Variants in CSNK2A2 observed in about 807,000 individuals in gnomAD.
CSNK2A2 encodes casein kinase 2 alpha 2.
A neutral mutation model predicts 54.0 loss-of-function variants in CSNK2A2; 8 were observed. That is an observed-to-expected ratio of 0.15 (90% CI 0.09 to 0.27). CSNK2A2 has a LOEUF of 0.27. Among genes scored for constraint, CSNK2A2 ranks in the 10% least tolerant of loss-of-function variants. The pLI, the probability that CSNK2A2 is intolerant of heterozygous loss-of-function variation, is 1.00. For synonymous variants in CSNK2A2, 141 were observed against 153.9 expected (o/e 0.92, Z 0.62); for missense variants, 242 against 439.4 (o/e 0.55, Z 4.02).
At chr16:58,191,880 C>T (rs1408028259) in intron 2 of CSNK2A2, among the ~76,000 whole-genome samples, 7 of 152,124 alleles carry the variant, frequency 4.6e-5, no homozygotes, top group Non-Finnish European at 7.4e-5. Context: ...TAGATGAGCA[C>T]TATTAACAGT....
intron 5 of CSNK2A2, 172 bp downstream of exon 5, chr16:58,174,279 G>C (rs1961818159): frequency 3.8e-6 from 2 of 525,982 alleles, no homozygotes; most frequent in Non-Finnish European, 6.6e-6. Flanking sequence ...AGTTCCACTG[G>C]AAAGTTTCTA....
chr16:58,188,221 GC>G (rs1280339139), intron 2 of CSNK2A2, among the ~76,000 whole-genome samples: 3 of 152,226 alleles, frequency 2.0e-5, no homozygotes, highest in African/African-American at 7.2e-5. Flanking sequence ...GGCTCTCGCT[GC>G]GTCCTTGTGA....
rs1206850644 is a variant in CSNK2A2 at position 58,197,753 on chromosome 16, G to C, written c.-17C>G. The C allele has an allele frequency of 1.9e-6, 2 of 1,075,406 alleles. No individual in the cohort carries two copies. The highest frequency in any genetic ancestry group is 2.5e-5 in the South Asian group (1 of 40,644). 66.6% of individuals were successfully genotyped at this position (1,075,406 alleles called of 1,614,324 possible). A position where few individuals can be genotyped will look rare whatever the true frequency, so the allele number is the denominator to read the frequency against. On this transcript the variant is annotated 5_prime_UTR_variant, in exon 1 of 12. Coordinates refer to ENST00000262506, the MANE Select transcript of CSNK2A2 (RefSeq NM_001896.4). The surrounding 1 kb of genome is among the most constrained non-coding windows in gnomAD (Gnocchi z 4.0). ...GCCGGGCATGGCGGGCGGGACCGGG[G>C]GGCGGCGCGGGGCGCAGAGGGTGGC...
intron 9 of CSNK2A2, among the ~76,000 whole-genome samples, chr16:58,166,326 G>A (rs2142410914): frequency 6.6e-6 from 1 of 152,264 alleles, no homozygotes; most frequent in African/African-American, 2.4e-5. Flanking sequence ...AGCTTTTGCT[G>A]TACCAGAAAA....
At chr16:58,172,395 T>C (rs1463573107) in intron 5 of CSNK2A2, among the ~76,000 whole-genome samples, 1 of 152,232 alleles carries the variant, frequency 6.6e-6, no homozygotes, top group African/African-American at 2.4e-5. Flanking sequence ...TCCTTGAATC[T>C]GAATCAGGAG....
chr16:58,182,949 C>A (rs779872711), intron 4 of CSNK2A2, among the ~76,000 whole-genome samples: 21 of 152,222 alleles, frequency 1.4e-4, no homozygotes, highest in Non-Finnish European at 2.5e-4. Flanking sequence ...AAATCTGTCA[C>A]ATGTGGGAAA....
intron 4 of CSNK2A2, among the ~76,000 whole-genome samples, chr16:58,174,958 A>T (rs920464522): frequency 4.6e-5 from 7 of 152,214 alleles, no homozygotes; most frequent in Non-Finnish European, 7.3e-5. Flanking sequence ...TACTGTGGTA[A>T]AACAGTGGCG....
intron 3 of CSNK2A2, among the ~76,000 whole-genome samples, chr16:58,184,545 G>A (rs1180036509): frequency 6.6e-6 from 1 of 152,232 alleles, no homozygotes; most frequent in Non-Finnish European, 1.5e-5. Flanking sequence ...AAACAAGGTT[G>A]GCCACAGCTG....
intron 2 of CSNK2A2, among the ~76,000 whole-genome samples, chr16:58,188,751 C>A (rs1355036782): frequency 6.6e-6 from 1 of 152,062 alleles, no homozygotes; most frequent in African/African-American, 2.4e-5. Context: ...TACTCTCAAG[C>A]ACGTCAGGAA....
chr16:58,182,374 C>CAAAAAA (rs71155249), intron 4 of CSNK2A2, among the ~76,000 whole-genome samples: 299 of 25,738 alleles, frequency 0.012, 71 homozygotes, highest in African/African-American at 0.039. Context: ...CTAAATATAC[C>CAAAAAA]AAAAAAAAAA....
In CSNK2A2 at chr16:58,197,605, G is replaced by A; in HGVS notation, c.104+28C>T. ...GCCGGGCGGGGGCAGGGATCAGCGG[G>A]CCCGGCGGGGGGCGGCGACGGCTTT... On this transcript the variant is annotated intron_variant, in intron 1 of 11. Coordinates refer to ENST00000262506, the MANE Select transcript of CSNK2A2 (RefSeq NM_001896.4). The surrounding 1 kb of genome is among the most constrained non-coding windows in gnomAD (Gnocchi z 4.0). 2 of 1,476,984 alleles carry A rather than the reference G, an allele frequency of 1.4e-6. No homozygotes were observed. Among genetic ancestry groups the A allele is most frequent in the Non-Finnish European group, 1.8e-6 (2 of 1,090,984 alleles). The allele number at this position is 1,476,984 out of a possible 1,614,324, so 91.5% of individuals were successfully genotyped here. A position where few individuals can be genotyped will look rare whatever the true frequency, so the allele number is the denominator to read the frequency against.
intron 4 of CSNK2A2, among the ~76,000 whole-genome samples, chr16:58,182,280 C>T (rs894391251): frequency 6.8e-6 from 1 of 147,146 alleles, no homozygotes; most frequent in Non-Finnish European, 1.5e-5. Context: ...CTTGTAATCC[C>T]AGCACTTTGG....
At chr16:58,185,910 C>T (rs919561134) in intron 3 of CSNK2A2, among the ~76,000 whole-genome samples, 1 of 152,258 alleles carries the variant, frequency 6.6e-6, no homozygotes, top group African/African-American at 2.4e-5. Context: ...CAGTTGGGCA[C>T]TTGGAATGTG....
chr16:58,174,553 T>A, intron 4 of CSNK2A2, 43 bp from the exon 5 acceptor site: 1 of 1,524,130 alleles, frequency 6.6e-7, no homozygotes, highest in Middle Eastern at 1.7e-4. Context: ...TTAGTCTCAC[T>A]GCATCTTGTC....
intron 2 of CSNK2A2, among the ~76,000 whole-genome samples, chr16:58,188,670 G>A (rs1013821540): frequency 6.6e-6 from 1 of 152,178 alleles, no homozygotes; most frequent in Admixed American, 6.5e-5. Context: ...TTTTTAATAT[G>A]GCATTGTAGG....
chr16:58,173,237 A>C (rs1961786847), intron 5 of CSNK2A2, among the ~76,000 whole-genome samples: 1 of 152,220 alleles, frequency 6.6e-6, no homozygotes, highest in Non-Finnish European at 1.5e-5. Flanking sequence ...GATCTTACTG[A>C]CAAAAAGGAA....
intron 3 of CSNK2A2, 75 bp downstream of exon 3, chr16:58,186,680 G>T: frequency 1.0e-6 from 1 of 995,138 alleles, no homozygotes; most frequent in Non-Finnish European, 1.6e-6. Flanking sequence ...CATTACGTGA[G>T]GTTCTGTGTG....
chr16:58,167,497 G>T (rs1961601363), intron 7 of CSNK2A2, among the ~76,000 whole-genome samples, 188 bp downstream of exon 7: 1 of 151,898 alleles, frequency 6.6e-6, no homozygotes, highest in African/African-American at 2.4e-5. Context: ...TTTAACCTTT[G>T]CAGATATTTT....
Position 58,193,381 on chromosome 16 carries a change from C to T in CSNK2A2, c.216+3352G>A, listed in dbSNP as rs191188316. On this transcript the variant is annotated intron_variant, in intron 2 of 11. Coordinates refer to ENST00000262506, the MANE Select transcript of CSNK2A2 (RefSeq NM_001896.4). ...AAGTATGCTAAACATGCTTAAAGAGCAAAATTTTAATACCACCACCCTTTG... is the reference window on the plus strand; with the variant it reads ...AAGTATGCTAAACATGCTTAAAGAGTAAAATTTTAATACCACCACCCTTTG... 2.6e-3 allele frequency among the ~76,000 whole-genome samples: 389 copies of T among 152,270 alleles called. 1 individual carries two copies. Among genetic ancestry groups the T allele is most frequent in the African/African-American group, 8.3e-3 (346 of 41,546 alleles).
Sources: allele counts gnomAD v4.1 joint callset (sites outside exome capture counted in the v4.1 genomes callset), GRCh38; gene constraint gnomAD v4.1.1; non-coding constraint Gnocchi (gnomAD v3.1); transcripts MANE v1.5; gene names NCBI Gene and HGNC (gene_info 2026-07-23, HGNC 2026-07-21).